Variants in SLC2A10 observed in about 807,000 individuals in gnomAD.
The protein encoded by SLC2A10 is solute carrier family 2, facilitated glucose transporter member 10.
In SLC2A10, 25 loss-of-function variants were observed where a neutral mutation model predicts 32.1. That is an observed-to-expected ratio of 0.78 (90% CI 0.57 to 1.09). The LOEUF (loss-of-function observed/expected upper bound fraction) is 1.09. Among genes scored for constraint, SLC2A10 ranks in the 50% least tolerant of loss-of-function variants. SLC2A10 has a pLI of 0.00. For missense variants in SLC2A10, 673 were observed against 686.5 expected (o/e 0.98, Z 0.22); for synonymous variants, 332 against 309.6 (o/e 1.07, Z -0.76).
chr20:46,721,071 C>G (rs1979524801), intron 1 of SLC2A10, among the ~76,000 whole-genome samples: 1 of 152,148 alleles, frequency 6.6e-6, no homozygotes, highest in Non-Finnish European at 1.5e-5. Context: ...AGATTTCTTA[C>G]AGAGTGGCTT....
Position 46,733,950 on chromosome 20 carries a change from C to A in SLC2A10, c.*116C>A. On this transcript the variant is annotated 3_prime_UTR_variant, in exon 5 of 5. Transcript: ENST00000359271. ...CTGGTCTTTTGGGAGTGGCCCCTGC[C>A]CCCAAAGGTGGTCTGCTTTTGCTGG... is the stretch of plus-strand genomic sequence containing the variant. The A allele has an allele frequency of 1.0e-6, 1 of 956,376 alleles. No individual in the cohort carries two copies. Among genetic ancestry groups the A allele is most frequent in the Non-Finnish European group, 1.6e-6 (1 of 608,414 alleles). The allele number at this position is 956,376 out of a possible 1,614,324, so 59.2% of individuals were successfully genotyped here.
Position 46,725,937 on chromosome 20 carries a change from C to A in SLC2A10, c.901C>A (p.Leu301Ile). Residue 301 changes from leucine (L) to isoleucine (I), a missense_variant, in exon 2 of 5, where the codon CTA (leucine) becomes ATA (isoleucine). Transcript: ENST00000359271. The stretch of plus-strand genomic sequence containing the variant: ...CCGTGCAGGCCGCAGGGCTCTGTTG[C>A]TAGCTGGCTGTGCCCTCATGGCCCT... ...VDRAGRRALLLAGCALMALSV... is the reference protein window; with the variant it reads ...VDRAGRRALLIAGCALMALSV... The A allele has an allele frequency of 6.2e-7, 1 of 1,613,928 alleles. No individual in the cohort carries two copies. Among genetic ancestry groups the A allele is most frequent in the South Asian group, 1.1e-5 (1 of 91,080 alleles).
chr20:46,725,332 C>T lies in SLC2A10; in HGVS notation c.296C>T (p.Ala99Val). 6.2e-7 allele frequency: 1 copy of T among 1,614,114 alleles called. No individual in the cohort carries two copies. ...ACCCTGGGCCTGGCTGGTTCCCTGG[C>T]CTGGCTGGTCCTGGGCCGCGCTGTG... ...SLTLGLAGSL[A>V]WLVLGRAVVG... Residue 99 changes from alanine to valine, a missense_variant, in exon 2 of 5, where the codon GCC becomes GTC. Transcript: ENST00000359271.
intron 1 of SLC2A10, among the ~76,000 whole-genome samples, chr20:46,722,480 A>G (rs1026420367): frequency 3.9e-5 from 6 of 152,218 alleles, no homozygotes; most frequent in Non-Finnish European, 7.3e-5. Context: ...TCTTGCCAAG[A>G]CTTGTGACCA....
chr20:46,711,580 C>T (rs1381277402), intron 1 of SLC2A10, among the ~76,000 whole-genome samples: 1 of 152,210 alleles, frequency 6.6e-6, no homozygotes, highest in Non-Finnish European at 1.5e-5. Context: ...CCTATTCCTG[C>T]TAAATCAACC....
rs969918815 is a variant in SLC2A10, at chr20:46,725,201, C to T, written c.165C>T (p.Leu55=). ...LEQEFLVGSL[L]LGALLASLVG... is the part of the protein sequence containing the mutation. ...AGGAGTTCCTGGTGGGCAGCCTGCT[C>T]CTGGGGGCTCTCCTCGCCTCCCTGG... The change falls in exon 2 of 5, where the codon CTC becomes CTT. Residue 55 remains leucine, a synonymous_variant. Coordinates refer to ENST00000359271, the MANE Select transcript of SLC2A10 (RefSeq NM_030777.4). 1 of 1,614,186 alleles carries T rather than the reference C, an allele frequency of 6.2e-7. No homozygotes were observed. The highest frequency in any genetic ancestry group is 1.7e-5 in the Admixed American group (1 of 60,032).
chr20:46,714,554 T>C (rs563821018), intron 1 of SLC2A10: 1 of 152,764 alleles, frequency 6.5e-6, no homozygotes, highest in South Asian at 2.1e-4. Context: ...GACCCTTTCC[T>C]TGGGGAACAA....
rs1122067 is a variant in SLC2A10 at position 46,729,239 on chromosome 20, A to G, written c.1412-114A>G. 0.42 allele frequency: 556,604 copies of G among 1,338,098 alleles called. 118,963 individuals carry two copies. Among genetic ancestry groups the G allele is most frequent in the East Asian group, 0.6 (26,023 of 43,328 alleles). The allele number at this position is 1,338,098 out of a possible 1,614,324, so 82.9% of individuals were successfully genotyped here. On this transcript the variant is annotated intron_variant, in intron 3 of 4. Transcript: ENST00000359271. ...ACTCTGCAAATTGACCAACGGGAAC[A>G]TTTGCTTTGAGTGAACTGACTTTCC...
At chr20:46,711,893 G>A (rs887171099) in intron 1 of SLC2A10, among the ~76,000 whole-genome samples, 4 of 152,120 alleles carry the variant, frequency 2.6e-5, no homozygotes, top group African/African-American at 9.7e-5. Flanking sequence ...TACAGTGCTC[G>A]GCTCATCACC....
intron 1 of SLC2A10, among the ~76,000 whole-genome samples, chr20:46,721,237 A>G (rs1979533586): frequency 1.3e-5 from 2 of 152,216 alleles, no homozygotes; most frequent in Admixed American, 1.3e-4. Flanking sequence ...TAACACCAGG[A>G]GGCATGACTC....
chr20:46,724,335 G>A (rs899308829), intron 1 of SLC2A10, among the ~76,000 whole-genome samples: 12 of 152,176 alleles, frequency 7.9e-5, no homozygotes, highest in African/African-American at 1.9e-4. Context: ...ATGGATAGAT[G>A]GATGGATGGA....
chr20:46,734,860 A>G lies in SLC2A10; in HGVS notation c.*1026A>G, dbSNP rs1980492263. On this transcript the variant is annotated 3_prime_UTR_variant, in exon 5 of 5. Coordinates refer to ENST00000359271, the MANE Select transcript of SLC2A10 (RefSeq NM_030777.4). ...GGAAAGGAGATGGGTTTGGAGGCCA[A>G]CAAACCTGCTTGTCAATATTGCCTT... The G allele has an allele frequency of 6.5e-6, 1 of 152,706 alleles. No homozygotes were observed. The highest frequency in any genetic ancestry group is 2.4e-5 in the African/African-American group (1 of 41,460). The allele number at this position is 152,706 out of a possible 1,614,324, so 9.5% of individuals were successfully genotyped here.
At chr20:46,718,012 A>G (rs992702539) in intron 1 of SLC2A10, among the ~76,000 whole-genome samples, 11 of 152,124 alleles carry the variant, frequency 7.2e-5, no homozygotes, top group African/African-American at 2.7e-4. Context: ...ACTTGAGCCC[A>G]GGAGTTCGAG....
At position 46,709,727 on chromosome 20, in the gene SLC2A10, C is replaced by G. The variant is rs1305422851; in HGVS notation, c.-10C>G. On this transcript the variant is annotated 5_prime_UTR_variant, in exon 1 of 5. Coordinates refer to ENST00000359271, the MANE Select transcript of SLC2A10 (RefSeq NM_030777.4). ...CAGCGCCCCCAGCACGCCGCCGAGT[C>G]CCGCTCGCCATGGGTAAGTCCCGAT... is the stretch of plus-strand genomic sequence containing the variant. The G allele has an allele frequency of 4.5e-6, 7 of 1,546,082 alleles. No homozygotes were observed. Among genetic ancestry groups the G allele is most frequent in the Non-Finnish European group, 6.1e-6 (7 of 1,145,814 alleles).
chr20:46,718,294 T>C (rs1479222962), intron 1 of SLC2A10, among the ~76,000 whole-genome samples: 1 of 152,222 alleles, frequency 6.6e-6, no homozygotes, highest in Non-Finnish European at 1.5e-5. Context: ...CATTATTCCC[T>C]GTGTTGTTTG....
At position 46,725,951 on chromosome 20, in the gene SLC2A10, C is replaced by T. The variant is rs199975775; in HGVS notation, c.915C>T (p.Ala305=). The T allele has an allele frequency of 9.9e-6, 16 of 1,613,874 alleles. No individual in the cohort carries two copies. The Admixed American group carries it at 2.7e-4, about 27-fold the overall frequency. Residue 305 remains alanine, a synonymous_variant, in exon 2 of 5, where the codon GCC becomes GCT. Coordinates refer to ENST00000359271, the MANE Select transcript of SLC2A10 (RefSeq NM_030777.4). Reference sequence around the variant, plus strand: ...GGGCTCTGTTGCTAGCTGGCTGTGCCCTCATGGCCCTGTCCGTCAGTGGCA... The same window carrying T: ...GGGCTCTGTTGCTAGCTGGCTGTGCTCTCATGGCCCTGTCCGTCAGTGGCA... The part of the protein sequence containing the change: ...GRRALLLAGC[A]LMALSVSGIG...
chr20:46,732,375 C>T (rs1164843322), intron 4 of SLC2A10, among the ~76,000 whole-genome samples: 2 of 152,152 alleles, frequency 1.3e-5, no homozygotes, highest in East Asian at 1.9e-4. Flanking sequence ...TTTTCAAGTG[C>T]CGGGCACTGT....
chr20:46,719,687 ACAGCCAAATCATAT>A (rs2123024255), intron 1 of SLC2A10, among the ~76,000 whole-genome samples: 1 of 152,324 alleles, frequency 6.6e-6, no homozygotes, highest in East Asian at 1.9e-4. Context: ...GGGTGGGGAC[ACAGCCAAATCATAT>A]CAGAAGTGGA....
At chr20:46,729,668 G>A (rs1277965165) in intron 4 of SLC2A10, among the ~76,000 whole-genome samples, 180 bp downstream of exon 4, 1 of 110,054 alleles carries the variant, frequency 9.1e-6, no homozygotes, top group East Asian at 2.8e-4. Flanking sequence ...TTGAGATGGA[G>A]TCTCGCTCTG....
Sources: allele counts gnomAD v4.1 joint callset (sites outside exome capture counted in the v4.1 genomes callset), GRCh38; gene constraint gnomAD v4.1.1; transcripts MANE v1.5; gene names NCBI Gene and HGNC (gene_info 2026-07-23, HGNC 2026-07-21).